NFASC: variants seen among roughly 807,000 people sequenced by gnomAD.
NFASC encodes the protein neurofascin.
A neutral mutation model predicts 147.5 loss-of-function variants in NFASC; 43 were observed. That is an observed-to-expected ratio of 0.29 (90% confidence interval 0.23 to 0.38). The LOEUF is 0.38. Ranked by LOEUF, NFASC falls within the 10% of genes least tolerant of loss-of-function variation. The probability of loss-of-function intolerance (pLI) is 1.00; values close to 1 mark genes in which losing one functional copy is unlikely to be tolerated. For missense variants in NFASC, 1,320 were observed against 1,689.0 expected (o/e 0.78, Z 3.83); for synonymous variants, 622 against 665.5 (o/e 0.93, Z 1.01).
At chr1:204,999,848 A>G (rs1024298497) in intron 25 of NFASC, 2 of 152,232 alleles carry the variant, frequency 1.3e-5, no homozygotes, top group African/African-American at 4.8e-5. Flanking sequence ...TTTATTTTTG[A>G]CAAGTGAGTT....
Position 204,990,784 on chromosome 1 carries a change from A to G in NFASC, c.2768-508A>G, listed in dbSNP as rs148638121. Among the ~76,000 whole-genome samples, 585 of 152,202 alleles carry G rather than the reference A, an allele frequency of 3.8e-3. 4 individuals are homozygous for G. The highest frequency in any genetic ancestry group is 4.0e-3 in the Non-Finnish European group (271 of 67,998). ...CTCCCTCTCTCCTATCCATCCCACT[A>G]TTCAGCATCTTCCCCCAAAGACAGG... is the stretch of plus-strand genomic sequence containing the variant. On this transcript the variant is annotated intron_variant, in intron 23 of 29. Coordinates refer to ENST00000339876, the MANE Select transcript of NFASC (RefSeq NM_001005388.3).
Position 205,019,554 on chromosome 1 carries a change from G to A in NFASC, c.*3015G>A, listed in dbSNP as rs1574588762. ...TAAGGCCTGAGCTGTGGATACCATG[G>A]CGCGTGAGTTAGATGTGGTCCCTGC... On this transcript the variant is annotated 3_prime_UTR_variant, in exon 30 of 30. Transcript: ENST00000339876. The A allele has an allele frequency of 6.6e-6, 1 of 152,192 alleles. No homozygotes were observed. Among genetic ancestry groups the A allele is most frequent in the African/African-American group, 2.4e-5 (1 of 41,408 alleles). The allele number at this position is 152,192 out of a possible 1,614,324, so 9.4% of individuals were successfully genotyped here. A position where few individuals can be genotyped will look rare whatever the true frequency, so the allele number is the denominator to read the frequency against.
intron 24 of NFASC, among the ~76,000 whole-genome samples, chr1:204,993,292 G>C (rs540862515): frequency 2.6e-5 from 4 of 152,168 alleles, no homozygotes; most frequent in Non-Finnish European, 4.4e-5. Context: ...TGATTTGGCC[G>C]GGGTAGTCAA....
At chr1:204,920,404 C>G (rs11240310) in intron 1 of NFASC, among the ~76,000 whole-genome samples, 1 of 149,092 alleles carries the variant, frequency 6.7e-6, no homozygotes, top group Non-Finnish European at 1.5e-5. Flanking sequence ...ATAAGAGAGA[C>G]AATCACCCTT....
chr1:204,980,881 C>T (rs1377479145), intron 20 of NFASC, among the ~76,000 whole-genome samples: 1 of 152,146 alleles, frequency 6.6e-6, no homozygotes, highest in Non-Finnish European at 1.5e-5. Flanking sequence ...GTGTCCAGTA[C>T]AGGCTTTCTT....
At chr1:204,922,416 A>G (rs965435432) in intron 2 of NFASC, among the ~76,000 whole-genome samples, 3 of 152,152 alleles carry the variant, frequency 2.0e-5, no homozygotes, top group Non-Finnish European at 4.4e-5. Flanking sequence ...ACTTCTGGAC[A>G]CCACCAGTCT....
chr1:204,877,049 AATATATTTATTTATATAT>A (rs2079109526), intron 1 of NFASC, among the ~76,000 whole-genome samples: 1 of 92,594 alleles, frequency 1.1e-5, no homozygotes, highest in Admixed American at 1.5e-4. Flanking sequence ...ATATATATAT[AATATATTTATTTATATAT>A]TTATATATAT....
intron 1 of NFASC, among the ~76,000 whole-genome samples, chr1:204,857,457 C>T (rs985918322): frequency 3.4e-5 from 5 of 146,228 alleles, no homozygotes; most frequent in African/African-American, 1.3e-4. Context: ...GTTTCCTGCA[C>T]GGCGTGCCCC....
At chr1:204,908,985 T>C (rs1020205784) in intron 1 of NFASC, among the ~76,000 whole-genome samples, 2 of 152,220 alleles carry the variant, frequency 1.3e-5, no homozygotes, top group African/African-American at 4.8e-5. Flanking sequence ...CATTCACTCA[T>C]TGAAAGACAC....
At chr1:204,836,634 T>A (rs1443133192) in intron 1 of NFASC, among the ~76,000 whole-genome samples, 1 of 152,264 alleles carries the variant, frequency 6.6e-6, no homozygotes, top group African/African-American at 2.4e-5. Flanking sequence ...GACATTGTTG[T>A]CACTGCCATT....
chr1:204,969,023 C>T, intron 10 of NFASC, 41 bp downstream of exon 10: 1 of 1,561,238 alleles, frequency 6.4e-7, no homozygotes, highest in East Asian at 2.3e-5. Flanking sequence ...TGTTGCCAAC[C>T]CTGAACACCA....
Position 204,954,385 on chromosome 1 carries a change from G to T in NFASC, c.412+1G>T, listed in dbSNP as rs753751927. On this transcript the variant is annotated splice_donor_variant, in intron 6 of 29. Transcript: ENST00000339876. LOFTEE classifies it high-confidence loss of function. This position sits in a 1 kb window ranked among gnomAD's most constrained non-coding sequence, Gnocchi z 5.7. ...AATAGGATCCGCCTGCAGGTGTCTA[G>T]TGAGTAGCGTGGGGCAGGGCTGAAA... 1 of 1,613,570 alleles carries T rather than the reference G, an allele frequency of 6.2e-7. No homozygotes were observed.
chr1:204,974,969 T>C, intron 14 of NFASC, 146 bp downstream of exon 14: 1 of 846,130 alleles, frequency 1.2e-6, no homozygotes, highest in Non-Finnish European at 1.9e-6. Flanking sequence ...TGTGGAGTCC[T>C]TTTAGGATCA....
intron 21 of NFASC, chr1:204,984,237 C>T (rs756710198): frequency 8.7e-6 from 7 of 800,188 alleles, no homozygotes; most frequent in Admixed American, 2.1e-5. Context: ...GAAAGAAACC[C>T]TAGCGTTGTT....
At chr1:204,829,106 C>G (rs917225788) in intron 1 of NFASC, among the ~76,000 whole-genome samples, 17 of 145,516 alleles carry the variant, frequency 1.2e-4, no homozygotes, top group Non-Finnish European at 2.1e-4. Context: ...ATCCGTGAGC[C>G]CTGCCTGCCC....
chr1:204,833,712 G>A (rs924226834), intron 1 of NFASC, among the ~76,000 whole-genome samples: 4 of 152,172 alleles, frequency 2.6e-5, no homozygotes, highest in South Asian at 2.1e-4. Flanking sequence ...ACCTGGGACG[G>A]TAAAATTTCA....
At chr1:204,952,735 A>G (rs777839115) in intron 5 of NFASC, among the ~76,000 whole-genome samples, 2 of 152,254 alleles carry the variant, frequency 1.3e-5, no homozygotes, top group Non-Finnish European at 2.9e-5. Flanking sequence ...CATCGGAGAC[A>G]TGACAGACGT....
chr1:204,874,116 G>C (rs999251435), intron 1 of NFASC, among the ~76,000 whole-genome samples: 3 of 152,156 alleles, frequency 2.0e-5, no homozygotes. Context: ...GAAGGAGGAG[G>C]CTCTCTCTGT....
intron 1 of NFASC, among the ~76,000 whole-genome samples, chr1:204,879,043 C>G (rs1278750850): frequency 1.3e-5 from 2 of 152,098 alleles, no homozygotes; most frequent in Non-Finnish European, 2.9e-5. Flanking sequence ...ATAACCTTCC[C>G]CTTAGGGGAA....
Sources: gnomAD v4.1 joint callset for allele counts (sites outside exome capture counted in the v4.1 genomes callset) on GRCh38, gnomAD v4.1.1 for gene constraint, Gnocchi (gnomAD v3.1) non-coding constraint, MANE v1.5 for transcripts, NCBI Gene and HGNC (gene_info 2026-07-23, HGNC 2026-07-21) for gene names.